SNX18: variants seen among roughly 807,000 people sequenced by gnomAD.
SNX18 encodes the protein sorting nexin 18.
A neutral mutation model predicts 48.7 loss-of-function variants in SNX18; 35 were observed. That is an observed-to-expected ratio of 0.72 (90% CI 0.55 to 0.95). The LOEUF is 0.95. SNX18 is among the 40% of genes least tolerant of loss of function. The pLI, the probability that SNX18 is intolerant of heterozygous loss-of-function variation, is 0.00. For missense variants in SNX18, 824 were observed against 871.0 expected (o/e 0.95, Z 0.68); for synonymous variants, 492 against 384.7 (o/e 1.28, Z -3.26).
chr5:54,640,421 G>T, the SNX18 span, among the ~76,000 whole-genome samples: 1 of 151,656 alleles, frequency 6.6e-6, no homozygotes, highest in Non-Finnish European at 1.5e-5. Flanking sequence ...ATGGGGTTTT[G>T]CCATGTTGCC....
chr5:54,638,182 T>C, the SNX18 span, among the ~76,000 whole-genome samples: 1 of 152,244 alleles, frequency 6.6e-6, no homozygotes, highest in Non-Finnish European at 1.5e-5. Flanking sequence ...ATGTTGACTT[T>C]AATAACTTAA....
the SNX18 span, among the ~76,000 whole-genome samples, chr5:54,641,811 G>A: frequency 2.2e-4 from 33 of 152,270 alleles, no homozygotes; most frequent in Non-Finnish European, 4.0e-4. Flanking sequence ...ATGCGTGTGC[G>A]GGTGGGAGGT....
the SNX18 span, among the ~76,000 whole-genome samples, chr5:54,554,660 A>G: frequency 1.3e-5 from 2 of 152,194 alleles, no homozygotes; most frequent in African/African-American, 2.4e-5. Context: ...ATTTCATTGT[A>G]TTTTGTGTGT....
intron 1 of SNX18, 105 bp downstream of exon 1, chr5:54,519,678 G>C: frequency 6.2e-7 from 1 of 1,614,196 alleles, no homozygotes; most frequent in Non-Finnish European, 8.5e-7. Flanking sequence ...ATATTCTACA[G>C]GTGAGGAAGC....
At chr5:54,641,006 G>C in the SNX18 span, among the ~76,000 whole-genome samples, 18 of 152,246 alleles carry the variant, frequency 1.2e-4, no homozygotes, top group South Asian at 3.7e-3. Flanking sequence ...ATTGAAGTGA[G>C]CCGAGATTGT....
At chr5:54,582,004 A>G in the SNX18 span, among the ~76,000 whole-genome samples, 80,718 of 151,930 alleles carry the variant, frequency 0.53, 21,774 homozygotes, top group Non-Finnish European at 0.59. Context: ...TTTCATCTGG[A>G]ATATGAGTGC....
chr5:54,549,472 C>G (rs1296092279), downstream of SNX18, among the ~76,000 whole-genome samples: 1 of 152,110 alleles, frequency 6.6e-6, no homozygotes, highest in Admixed American at 6.5e-5. Flanking sequence ...GCCTGGAAAC[C>G]TACTTCTCCA....
the SNX18 span, among the ~76,000 whole-genome samples, chr5:54,606,141 G>A: frequency 1.1e-4 from 16 of 152,254 alleles, 1 homozygote; most frequent in East Asian, 5.8e-4. Context: ...TTTTCCAGGC[G>A]TTTCAGGTTT....
At chr5:54,532,533 A>T (rs6872638) in intron 1 of SNX18, among the ~76,000 whole-genome samples, 1 of 151,826 alleles carries the variant, frequency 6.6e-6, no homozygotes, top group Non-Finnish European at 1.5e-5. Flanking sequence ...TTCTGTGGGT[A>T]TCAGATCTTT....
the SNX18 span, among the ~76,000 whole-genome samples, chr5:54,581,970 G>T: frequency 3.3e-5 from 5 of 152,204 alleles, no homozygotes; most frequent in Admixed American, 3.3e-4. Context: ...GAGCTTGGGG[G>T]ATTCACTTCA....
the SNX18 span, among the ~76,000 whole-genome samples, chr5:54,620,359 G>A: frequency 6.6e-6 from 1 of 152,186 alleles, no homozygotes; most frequent in Non-Finnish European, 1.5e-5. Context: ...GCTGCCTTGA[G>A]AGAAGATGTC....
chr5:54,599,589 T>G, the SNX18 span, among the ~76,000 whole-genome samples: 1 of 152,092 alleles, frequency 6.6e-6, no homozygotes, highest in Non-Finnish European at 1.5e-5. Context: ...CAAACTATAC[T>G]AAAAGGCTAC....
intron 1 of SNX18, among the ~76,000 whole-genome samples, chr5:54,532,908 G>A (rs552861371): frequency 2.2e-4 from 34 of 152,244 alleles, no homozygotes; most frequent in African/African-American, 7.2e-5. Flanking sequence ...GTATTTATAC[G>A]CAAGTGAATA....
intron 1 of SNX18, among the ~76,000 whole-genome samples, chr5:54,536,130 C>T (rs946511722): frequency 6.6e-6 from 1 of 152,150 alleles, no homozygotes; most frequent in Non-Finnish European, 1.5e-5. Flanking sequence ...TCAGCCTAGG[C>T]GGCACTCTGG....
chr5:54,625,140 G>A, the SNX18 span, among the ~76,000 whole-genome samples: 1 of 152,166 alleles, frequency 6.6e-6, no homozygotes, highest in Non-Finnish European at 1.5e-5. Context: ...CCCATTCTCA[G>A]GCCATAGTGT....
At chr5:54,615,265 A>G in the SNX18 span, among the ~76,000 whole-genome samples, 3 of 152,212 alleles carry the variant, frequency 2.0e-5, no homozygotes, top group East Asian at 3.9e-4. Flanking sequence ...AGCATGATCT[A>G]GAAGGTTCTG....
the SNX18 span, among the ~76,000 whole-genome samples, chr5:54,561,194 C>G: frequency 2.6e-5 from 4 of 152,080 alleles, no homozygotes; most frequent in African/African-American, 9.7e-5. Context: ...AGGCCTGCAC[C>G]ACCACGCCTG....
At chr5:54,526,495 T>C (rs1017930022) in intron 1 of SNX18, among the ~76,000 whole-genome samples, 2 of 152,196 alleles carry the variant, frequency 1.3e-5, no homozygotes, top group African/African-American at 2.4e-5. Flanking sequence ...TTATGACTTA[T>C]CTGTCACTGT....
chr5:54,553,127 C>T, the SNX18 span, among the ~76,000 whole-genome samples: 1 of 152,088 alleles, frequency 6.6e-6, no homozygotes, highest in Non-Finnish European at 1.5e-5. Context: ...GGGGAAGGTC[C>T]AGATCTTAGA....
Sources: allele counts gnomAD v4.1 joint callset (sites outside exome capture counted in the v4.1 genomes callset), GRCh38; gene constraint gnomAD v4.1.1; transcripts MANE v1.5; gene names NCBI Gene and HGNC (gene_info 2026-07-23, HGNC 2026-07-21).